The following IQCH variants were observed in gnomAD, a reference collection of about 807,000 sequenced individuals.
IQCH encodes IQ motif containing H, also known as IQ domain-containing protein H.
A neutral mutation model predicts 117.0 loss-of-function variants in IQCH; 98 were observed. The ratio of observed to expected loss-of-function variants is 0.84; its 90% confidence interval spans 0.71 to 0.99. The LOEUF is 0.99. IQCH is among the 50% of genes least tolerant of loss of function. The pLI, the probability that IQCH is intolerant of heterozygous loss-of-function variation, is 0.00. For missense variants in IQCH, 1,102 were observed against 1,243.8 expected (o/e 0.89, Z 1.72); for synonymous variants, 412 against 448.2 (o/e 0.92, Z 1.02).
rs921678022 is a variant in IQCH at position 67,500,800 on chromosome 15, A to AT, written c.*63dup. 1.8e-3 allele frequency: 1,612 copies of AT among 886,908 alleles called. No homozygotes were observed. Among genetic ancestry groups the AT allele is most frequent in the South Asian group, 3.1e-3 (161 of 52,634 alleles). 54.9% of individuals were successfully genotyped at this position (886,908 alleles called of 1,614,324 possible). ...ATCCCAGTCTGGAATAAAAAGGGCA[A>AT]TTTTTTTTTCTGTTAGAAATAAAAG... On this transcript the variant is annotated 3_prime_UTR_variant, in exon 21 of 21. Coordinates refer to ENST00000335894, the MANE Select transcript of IQCH (RefSeq NM_001031715.3). The surrounding 1 kb of genome is among the most constrained non-coding windows in gnomAD (Gnocchi z 4.4).
At position 67,454,823 on chromosome 15, in the gene IQCH, G is replaced by T. The variant is rs1327844319; in HGVS notation, c.2506-10304G>T. Among the ~76,000 whole-genome samples, 1 of 152,174 alleles carries T rather than the reference G, an allele frequency of 6.6e-6. No individual in the cohort carries two copies. Among genetic ancestry groups the T allele is most frequent in the African/African-American group, 2.4e-5 (1 of 41,440 alleles). ...TCATCAGTGAATGGGTATTTGGGTT[G>T]TGTCCACTTTTTGACTGTTATGAAT... On this transcript the variant is annotated intron_variant, in intron 16 of 20. Coordinates refer to ENST00000335894, the MANE Select transcript of IQCH (RefSeq NM_001031715.3). The surrounding 1 kb of genome is among the most constrained non-coding windows in gnomAD (Gnocchi z 5.2).
intron 9 of IQCH, 141 bp downstream of exon 9, chr15:67,372,803 C>T (rs565355546): frequency 6.0e-6 from 4 of 668,402 alleles, no homozygotes; most frequent in Admixed American, 6.0e-5. Context: ...TTTCACTCCC[C>T]TCAATGTATG....
chr15:67,325,346 AAC>A (rs1419973348), intron 4 of IQCH, among the ~76,000 whole-genome samples: 3 of 152,162 alleles, frequency 2.0e-5, no homozygotes, highest in African/African-American at 7.2e-5. Context: ...AAATATGTAT[AAC>A]ACATATATCT....
At chr15:67,362,249 T>G (rs2086315579) in intron 8 of IQCH, among the ~76,000 whole-genome samples, 1 of 152,076 alleles carries the variant, frequency 6.6e-6, no homozygotes, top group African/African-American at 2.4e-5. Flanking sequence ...TATTATTCTC[T>G]ATACTTCTCT....
At position 67,413,025 on chromosome 15, in the gene IQCH, T is replaced by G. The variant is rs910324321; in HGVS notation, c.2098-3906T>G. On this transcript the variant is annotated intron_variant, in intron 14 of 20. Transcript: ENST00000335894. The surrounding 1 kb of genome is among the most constrained non-coding windows in gnomAD (Gnocchi z 5.0). ...ATGAGACAAAGTATTTTACAAATAGTATTCTAATGATTCACATGAATTGGA... is the reference window on the plus strand; with the variant it reads ...ATGAGACAAAGTATTTTACAAATAGGATTCTAATGATTCACATGAATTGGA... Among the ~76,000 whole-genome samples the G allele has an allele frequency of 1.3e-5, 2 of 152,108 alleles. No individual in the cohort carries two copies. The highest frequency in any genetic ancestry group is 2.9e-5 in the Non-Finnish European group (2 of 68,002).
intron 4 of IQCH, among the ~76,000 whole-genome samples, chr15:67,309,069 G>A (rs1967455718): frequency 6.6e-6 from 1 of 151,904 alleles, no homozygotes; most frequent in Admixed American, 6.6e-5. Flanking sequence ...TACTAGACCG[G>A]GATCTCCCAG....
At chr15:67,329,276 G>A (rs1968553335) in intron 4 of IQCH, among the ~76,000 whole-genome samples, 2 of 145,832 alleles carry the variant, frequency 1.4e-5, no homozygotes, top group African/African-American at 5.2e-5. Flanking sequence ...CCCAGCCTGG[G>A]CAACAGAGCA....
At chr15:67,317,495 C>T (rs548264848) in intron 4 of IQCH, among the ~76,000 whole-genome samples, 4 of 152,306 alleles carry the variant, frequency 2.6e-5, no homozygotes, top group South Asian at 2.1e-4. Context: ...GTGACCATCA[C>T]ACCTGGCCAG....
intron 6 of IQCH, among the ~76,000 whole-genome samples, chr15:67,349,869 A>G (rs984853353): frequency 6.6e-6 from 1 of 152,222 alleles, no homozygotes; most frequent in African/African-American, 2.4e-5. Flanking sequence ...CCACAGTGGG[A>G]TACCACTACA....
At chr15:67,318,755 T>A (rs533883910) in intron 4 of IQCH, among the ~76,000 whole-genome samples, 19 of 152,292 alleles carry the variant, frequency 1.2e-4, no homozygotes, top group Admixed American at 1.2e-3. Flanking sequence ...TAACTTGGAA[T>A]GTAATAAAGG....
chr15:67,352,418 C>G (rs1188337328), intron 6 of IQCH, among the ~76,000 whole-genome samples: 1 of 152,018 alleles, frequency 6.6e-6, no homozygotes, highest in Non-Finnish European at 1.5e-5. Context: ...CTTGTTGCAT[C>G]TCTGACTTTC....
intron 18 of IQCH, among the ~76,000 whole-genome samples, chr15:67,480,334 C>T (rs2083310790): frequency 6.6e-6 from 1 of 152,164 alleles, no homozygotes. Context: ...AATACGTGTC[C>T]TTGTTATGCA....
chr15:67,482,399 T>G (rs2083364382), intron 18 of IQCH, among the ~76,000 whole-genome samples: 2 of 152,058 alleles, frequency 1.3e-5, no homozygotes, highest in Non-Finnish European at 2.9e-5. Context: ...GATAATTTTG[T>G]TTTTTTTCTT....
chr15:67,297,542 G>A (rs1187315678), intron 4 of IQCH, among the ~76,000 whole-genome samples: 2 of 152,052 alleles, frequency 1.3e-5, no homozygotes, highest in African/African-American at 2.4e-5. Flanking sequence ...CAATGGTTCA[G>A]CACCATAGTC....
Position 67,347,857 on chromosome 15 carries a change from A to G in IQCH, c.637+3666A>G, listed in dbSNP as rs921695727. Among the ~76,000 whole-genome samples, 14 of 147,136 alleles carry G rather than the reference A, an allele frequency of 9.5e-5. No individual in the cohort carries two copies. The East Asian group carries it at 2.5e-3, about 27-fold the overall frequency. ...GATATATAGATATTTTTATATATTT[A>G]TATATCTATATATTTATATATAGAT... On this transcript the variant is annotated intron_variant, in intron 6 of 20. Transcript: ENST00000335894.
At chr15:67,460,006 A>C (rs1242479880) in intron 16 of IQCH, 1 of 152,162 alleles carries the variant, frequency 6.6e-6, no homozygotes, top group African/African-American at 2.4e-5. Flanking sequence ...AAAAATTAGC[A>C]GGGTTTGGTG....
At chr15:67,267,616 A>G (rs1394837896) in intron 3 of IQCH, among the ~76,000 whole-genome samples, 2 of 152,214 alleles carry the variant, frequency 1.3e-5, no homozygotes, top group Non-Finnish European at 1.5e-5. Context: ...TGCCTGCTCA[A>G]ACTGTGAGGC....
intron 4 of IQCH, among the ~76,000 whole-genome samples, chr15:67,313,770 A>C (rs1338855113): frequency 6.6e-6 from 1 of 152,202 alleles, no homozygotes; most frequent in African/African-American, 2.4e-5. Flanking sequence ...GGCTTAATGC[A>C]GACAGCTTCT....
Position 67,487,515 on chromosome 15 carries a change from CA to C in IQCH, c.2800-2482del, listed in dbSNP as rs2083523777. On this transcript the variant is annotated intron_variant, in intron 18 of 20. Transcript: ENST00000335894. ...AATATTTTAACAATCAAAATTACTG[CA>C]AAAAATTCATTAGGAATAAAATATC... is the stretch of plus-strand genomic sequence containing the variant. 2.6e-5 allele frequency among the ~76,000 whole-genome samples: 4 copies of C among 151,728 alleles called. No homozygotes were observed. The East Asian group carries it at 5.8e-4, about 22-fold the overall frequency.
Sources: allele counts gnomAD v4.1 joint callset (sites outside exome capture counted in the v4.1 genomes callset), GRCh38; gene constraint gnomAD v4.1.1; non-coding constraint Gnocchi (gnomAD v3.1); transcripts MANE v1.5; gene names NCBI Gene and HGNC (gene_info 2026-07-23, HGNC 2026-07-21).